GRIN2B: variants seen among roughly 807,000 people sequenced by gnomAD.
GRIN2B encodes glutamate ionotropic receptor NMDA type subunit 2B, also known as glutamate receptor ionotropic, NMDA 2B.
A neutral mutation model predicts 114.5 loss-of-function variants in GRIN2B; 5 were observed. The ratio of observed to expected loss-of-function variants is 0.04; its 90% CI spans 0.02 to 0.09. GRIN2B has a LOEUF of 0.09. Ranked by LOEUF, GRIN2B falls within the 10% of genes least tolerant of loss-of-function variation. GRIN2B has a pLI of 1.00. For synonymous variants in GRIN2B, 787 were observed against 745.1 expected (o/e 1.06, Z -0.92); for missense variants, 1,108 against 1,943.5 (o/e 0.57, Z 8.08).
rs755916052 is a variant in GRIN2B, at chr12:13,546,431, A to G, written c.*16352T>C. The stretch of plus-strand genomic sequence containing the variant: ...AGCCTCTCCTTCTGCCAGAGCTCAC[A>G]GGGAATGACAAATCTCTGAGGGAAT... On this transcript the variant is annotated 3_prime_UTR_variant, in exon 14 of 14. Coordinates refer to ENST00000609686, the MANE Select transcript of GRIN2B (RefSeq NM_000834.5). 4.6e-5 allele frequency: 7 copies of G among 152,250 alleles called. No homozygotes were observed. The highest frequency in any genetic ancestry group is 1.3e-4 in the Admixed American group (2 of 15,288). The allele number at this position is 152,250 out of a possible 1,614,324, so 9.4% of individuals were successfully genotyped here. A position where few individuals can be genotyped will look rare whatever the true frequency, so the allele number is the denominator to read the frequency against.
At chr12:13,579,008 T>C (rs1048670060) in intron 10 of GRIN2B, among the ~76,000 whole-genome samples, 8 of 151,838 alleles carry the variant, frequency 5.3e-5, no homozygotes, top group East Asian at 1.9e-4. Flanking sequence ...GCTGTGCCCA[T>C]GCAGCAGTGA....
chr12:13,648,150 G>C (rs77468441), intron 5 of GRIN2B, among the ~76,000 whole-genome samples: 11,114 of 152,042 alleles, frequency 0.073, 589 homozygotes, highest in South Asian at 0.14. Context: ...AATTACATGA[G>C]AGCACATACG....
chr12:13,889,368 T>A (rs1166034498), intron 2 of GRIN2B, among the ~76,000 whole-genome samples: 4 of 152,222 alleles, frequency 2.6e-5, no homozygotes, highest in African/African-American at 7.2e-5. Flanking sequence ...TGCCATCTAC[T>A]GATTAAGCTT....
intron 5 of GRIN2B, among the ~76,000 whole-genome samples, chr12:13,622,436 G>C (rs1484005679): frequency 6.6e-6 from 1 of 152,080 alleles, no homozygotes; most frequent in East Asian, 1.9e-4. Flanking sequence ...AGGACAGGAG[G>C]ACACCCTCAC....
chr12:13,906,394 T>C (rs1866535041), intron 2 of GRIN2B, among the ~76,000 whole-genome samples: 2 of 152,208 alleles, frequency 1.3e-5, no homozygotes, highest in African/African-American at 4.8e-5. Flanking sequence ...TCTCCTCTCA[T>C]ATCCTTATTT....
At chr12:13,776,128 G>C (rs575743431) in intron 3 of GRIN2B, among the ~76,000 whole-genome samples, 1 of 152,304 alleles carries the variant, frequency 6.6e-6, no homozygotes, top group Admixed American at 6.5e-5. Flanking sequence ...TCTTGGCAAG[G>C]ACATGGATGG....
chr12:13,805,078 T>C (rs1196257740), intron 3 of GRIN2B, among the ~76,000 whole-genome samples: 1 of 152,186 alleles, frequency 6.6e-6, no homozygotes, highest in Non-Finnish European at 1.5e-5. Flanking sequence ...TATTTAGAAG[T>C]CAATTTATTT....
intron 2 of GRIN2B, among the ~76,000 whole-genome samples, chr12:13,884,203 G>GT (rs1334838401): frequency 6.6e-6 from 1 of 151,806 alleles, no homozygotes; most frequent in Non-Finnish European, 1.5e-5. Flanking sequence ...TTCCAGAATT[G>GT]TTTTGCCTTT....
In GRIN2B at chr12:13,704,897, G is replaced by T. The variant is rs76888620; in HGVS notation, c.1011-29038C>A. On this transcript the variant is annotated intron_variant, in intron 4 of 13. Coordinates refer to ENST00000609686, the MANE Select transcript of GRIN2B (RefSeq NM_000834.5). Reference sequence around the variant, plus strand: ...ATACTTTTATTCCTCATTTTTTACTGAGCCCTAATTTGGAGGAATCGGTTT... The same window carrying T: ...ATACTTTTATTCCTCATTTTTTACTTAGCCCTAATTTGGAGGAATCGGTTT... 1.6e-4 allele frequency among the ~76,000 whole-genome samples: 24 copies of T among 152,082 alleles called. No individual in the cohort carries two copies. In the East Asian group the frequency reaches 4.3e-3, roughly 27 times the overall value.
At chr12:13,879,444 G>A (rs1866038022) in intron 2 of GRIN2B, among the ~76,000 whole-genome samples, 1 of 151,374 alleles carries the variant, frequency 6.6e-6, no homozygotes, top group East Asian at 1.9e-4. Flanking sequence ...AAAATAAAAA[G>A]GTGATATTGC....
chr12:13,919,199 A>C (rs1866782938), intron 2 of GRIN2B, among the ~76,000 whole-genome samples: 1 of 152,188 alleles, frequency 6.6e-6, no homozygotes. Context: ...TTTAACCTCC[A>C]GTCTTCTGAG....
intron 3 of GRIN2B, among the ~76,000 whole-genome samples, chr12:13,790,339 C>G (rs1565538214): frequency 6.6e-6 from 1 of 152,204 alleles, no homozygotes; most frequent in Non-Finnish European, 1.5e-5. Context: ...TTCAGACTTT[C>G]CTGTCCCACA....
intron 10 of GRIN2B, among the ~76,000 whole-genome samples, chr12:13,583,339 T>C (rs1046349135): frequency 6.6e-6 from 1 of 152,186 alleles, no homozygotes; most frequent in African/African-American, 2.4e-5. Flanking sequence ...GATCCTCTCA[T>C]TGATGCTATG....
intron 4 of GRIN2B, among the ~76,000 whole-genome samples, chr12:13,695,269 A>G (rs1591681286): frequency 6.6e-6 from 1 of 152,276 alleles, no homozygotes; most frequent in South Asian, 2.1e-4. Flanking sequence ...CTTCCCTTCT[A>G]CCTTGCCAAA....
intron 4 of GRIN2B, among the ~76,000 whole-genome samples, chr12:13,717,118 A>G (rs183936443): frequency 1.2e-4 from 18 of 148,508 alleles, no homozygotes; most frequent in Admixed American, 1.1e-3. Flanking sequence ...CTCAATCATT[A>G]CAGAGACCCT....
At chr12:13,978,446 G>T (rs888159504) in intron 2 of GRIN2B, among the ~76,000 whole-genome samples, 1 of 152,072 alleles carries the variant, frequency 6.6e-6, no homozygotes, top group Non-Finnish European at 1.5e-5. Context: ...TAGAGAAGGG[G>T]GATAGTGAAT....
At chr12:13,881,702 A>G (rs1412158725) in intron 2 of GRIN2B, among the ~76,000 whole-genome samples, 1 of 152,166 alleles carries the variant, frequency 6.6e-6, no homozygotes, top group Non-Finnish European at 1.5e-5. Context: ...CACCCGATGC[A>G]ATATCCTAAT....
chr12:13,924,378 G>T (rs1866879715), intron 2 of GRIN2B, among the ~76,000 whole-genome samples: 1 of 152,202 alleles, frequency 6.6e-6, no homozygotes, highest in Non-Finnish European at 1.5e-5. Context: ...TGACAACTGT[G>T]AGAGCTATTA....
chr12:13,574,598 T>C (rs1018306567), intron 10 of GRIN2B, among the ~76,000 whole-genome samples: 28 of 152,174 alleles, frequency 1.8e-4, no homozygotes, highest in African/African-American at 6.8e-4. Context: ...GGTAACTAAA[T>C]GGAATCCAGT....
Sources: gnomAD v4.1 joint callset for allele counts (sites outside exome capture counted in the v4.1 genomes callset) on GRCh38, gnomAD v4.1.1 for gene constraint, MANE v1.5 for transcripts, NCBI Gene and HGNC (gene_info 2026-07-23, HGNC 2026-07-21) for gene names.